SPATS2L: variants seen among roughly 807,000 people sequenced by gnomAD.
SPATS2L encodes spermatogenesis associated serine rich 2 like.
SPATS2L carries 30 observed loss-of-function variants against 59.6 expected under a neutral mutation model. The observed-to-expected ratio is 0.50, with a 90% confidence interval of 0.38 to 0.68. The LOEUF is 0.68. Ranked by LOEUF, SPATS2L falls within the 30% of genes least tolerant of loss-of-function variation. The pLI is 0.00. For missense variants in SPATS2L, 615 were observed against 700.0 expected (o/e 0.88, Z 1.37); for synonymous variants, 252 against 263.5 (o/e 0.96, Z 0.42).
At chr2:200,424,165 A>G (rs2083426533) in intron 6 of SPATS2L, among the ~76,000 whole-genome samples, 1 of 152,182 alleles carries the variant, frequency 6.6e-6, no homozygotes, top group Non-Finnish European at 1.5e-5. Flanking sequence ...GGGCTCAAAT[A>G]CAAAATCAGG....
chr2:200,418,204 G>C (rs2083145025), intron 5 of SPATS2L, among the ~76,000 whole-genome samples: 1 of 152,050 alleles, frequency 6.6e-6, no homozygotes, highest in African/African-American at 2.4e-5. Flanking sequence ...AGAGGTCCAG[G>C]GGCTTTCTCA....
intron 3 of SPATS2L, among the ~76,000 whole-genome samples, chr2:200,397,093 T>C (rs2082378806): frequency 6.6e-6 from 1 of 152,224 alleles, no homozygotes. Context: ...ATCGCATTGC[T>C]TTTTCCAGGC....
At position 200,472,828 on chromosome 2, in the gene SPATS2L, G is replaced by A. The variant is rs770479603; in HGVS notation, c.1061-4G>A. 6.2e-7 allele frequency: 1 copy of A among 1,613,530 alleles called. No homozygotes were observed. Among genetic ancestry groups the A allele is most frequent in the South Asian group, 1.1e-5 (1 of 91,078 alleles). ...TCGTAACACTGAGCACTTTATTATTGCAGTTACACATCCAAAGAACAACTA... is the reference window on the plus strand; with the variant it reads ...TCGTAACACTGAGCACTTTATTATTACAGTTACACATCCAAAGAACAACTA... On this transcript the variant is annotated splice_region_variant and splice_polypyrimidine_tract_variant and intron_variant, in intron 11 of 12. Coordinates refer to ENST00000409140, the MANE Select transcript of SPATS2L (RefSeq NM_001100423.2).
At chr2:200,414,119 C>T (rs796899204) in intron 4 of SPATS2L, among the ~76,000 whole-genome samples, 23 of 151,914 alleles carry the variant, frequency 1.5e-4, no homozygotes, top group African/African-American at 5.1e-4. Context: ...AGGCCCCCCA[C>T]GTTCCTCATC....
intron 2 of SPATS2L, among the ~76,000 whole-genome samples, chr2:200,337,799 A>T (rs1171696344): frequency 6.6e-6 from 1 of 152,146 alleles, no homozygotes; most frequent in African/African-American, 2.4e-5. Context: ...CTGCTCAAAG[A>T]TTTAGCAAGA....
upstream of SPATS2L, chr2:200,306,095 C>A: frequency 2.0e-6 from 2 of 985,886 alleles, no homozygotes; most frequent in Non-Finnish European, 2.4e-6. Flanking sequence ...GCGGAACACC[C>A]CGGGTTGGTC....
intron 6 of SPATS2L, among the ~76,000 whole-genome samples, chr2:200,432,092 A>C (rs1461868946): frequency 1.3e-5 from 2 of 152,388 alleles, no homozygotes; most frequent in Admixed American, 1.3e-4. Flanking sequence ...TATTGACTTC[A>C]TAACAAATTC....
chr2:200,370,222 A>C (rs2081386451), intron 2 of SPATS2L, among the ~76,000 whole-genome samples: 1 of 152,244 alleles, frequency 6.6e-6, no homozygotes, highest in Admixed American at 6.5e-5. Context: ...TGAAAACAGA[A>C]AACACTCAGA....
intron 9 of SPATS2L, among the ~76,000 whole-genome samples, chr2:200,466,120 C>G (rs2086584295): frequency 6.6e-6 from 1 of 152,190 alleles, no homozygotes; most frequent in Non-Finnish European, 1.5e-5. Context: ...TTCTGTACTT[C>G]TTTTTGGGCT....
chr2:200,447,844 C>T (rs2085150905), intron 8 of SPATS2L, among the ~76,000 whole-genome samples: 1 of 152,190 alleles, frequency 6.6e-6, no homozygotes, highest in African/African-American at 2.4e-5. Context: ...TTTTTAAAAG[C>T]TTTCAATTCC....
At chr2:200,393,396 C>T (rs1215805571) in intron 3 of SPATS2L, 1 of 450,862 alleles carries the variant, frequency 2.2e-6, no homozygotes, top group African/African-American at 2.0e-5. Context: ...ATGCTCCATG[C>T]ATAGGCTTAA....
intron 2 of SPATS2L, among the ~76,000 whole-genome samples, chr2:200,361,280 AAG>A (rs1042518386): frequency 2.0e-5 from 3 of 152,124 alleles, no homozygotes; most frequent in Non-Finnish European, 4.4e-5. Context: ...TCATGAGAGA[AAG>A]AGAGAGAAGA....
chr2:200,324,917 G>C (rs2079683925), intron 1 of SPATS2L, among the ~76,000 whole-genome samples: 1 of 152,064 alleles, frequency 6.6e-6, no homozygotes, highest in Non-Finnish European at 1.5e-5. Flanking sequence ...TCATTTCCAT[G>C]TGTCAACAAA....
intron 1 of SPATS2L, among the ~76,000 whole-genome samples, chr2:200,328,103 C>A (rs894380503): frequency 6.6e-6 from 1 of 152,186 alleles, no homozygotes; most frequent in Non-Finnish European, 1.5e-5. Flanking sequence ...CTTAGCATGA[C>A]ACCCTACCCC....
At chr2:200,354,713 C>T (rs1194343488) in intron 2 of SPATS2L, among the ~76,000 whole-genome samples, 2 of 152,162 alleles carry the variant, frequency 1.3e-5, no homozygotes, top group African/African-American at 4.8e-5. Context: ...GCCAAGGATT[C>T]TTATTCCTCT....
chr2:200,307,416 C>T (rs1353751008), intron 1 of SPATS2L, among the ~76,000 whole-genome samples: 2 of 151,958 alleles, frequency 1.3e-5, no homozygotes, highest in African/African-American at 2.4e-5. Flanking sequence ...GGATCCCAGC[C>T]GGGTGCGGGG....
intron 6 of SPATS2L, among the ~76,000 whole-genome samples, chr2:200,428,252 A>G (rs1574491309): frequency 6.6e-6 from 1 of 152,268 alleles, no homozygotes; most frequent in East Asian, 1.9e-4. Flanking sequence ...TGTTATAGGT[A>G]AGTTTAGCAA....
chr2:200,374,519 A>G (rs2081535391), intron 2 of SPATS2L, among the ~76,000 whole-genome samples: 1 of 152,058 alleles, frequency 6.6e-6, no homozygotes, highest in Non-Finnish European at 1.5e-5. Context: ...CCCCCTGTGC[A>G]TGGCAATATA....
chr2:200,413,232 T>C (rs1336463606), intron 4 of SPATS2L, among the ~76,000 whole-genome samples: 1 of 152,246 alleles, frequency 6.6e-6, no homozygotes, highest in African/African-American at 2.4e-5. Flanking sequence ...GACTGGTTTA[T>C]TCTTTAATAT....
Sources: allele counts gnomAD v4.1 joint callset (sites outside exome capture counted in the v4.1 genomes callset), GRCh38; gene constraint gnomAD v4.1.1; transcripts MANE v1.5; gene names NCBI Gene and HGNC (gene_info 2026-07-23, HGNC 2026-07-21).